MIS18A: variants seen among roughly 807,000 people sequenced by gnomAD.
MIS18A encodes the protein MIS18 kinetochore protein A.
In MIS18A, 14 loss-of-function variants were observed where a neutral mutation model predicts 25.0. The observed-to-expected ratio is 0.56, with a 90% CI of 0.37 to 0.88. MIS18A has a LOEUF of 0.88. Ranked by LOEUF, MIS18A falls within the 40% of genes least tolerant of loss-of-function variation. The probability of loss-of-function intolerance (pLI) is 0.00; values close to 1 mark genes in which losing one functional copy is unlikely to be tolerated. For synonymous variants in MIS18A, 134 were observed against 118.6 expected (o/e 1.13, Z -0.84); for missense variants, 292 against 290.8 (o/e 1.00, Z -0.03).
At chr21:32,238,293 C>A in the MIS18A span, among the ~76,000 whole-genome samples, 1 of 152,136 alleles carries the variant, frequency 6.6e-6, no homozygotes, top group Non-Finnish European at 1.5e-5. Flanking sequence ...CAATAACCCC[C>A]CAAATCTCAG....
chr21:32,184,786 G>C, the MIS18A span, among the ~76,000 whole-genome samples: 1 of 152,186 alleles, frequency 6.6e-6, no homozygotes, highest in East Asian at 1.9e-4. Flanking sequence ...ATCATGCACT[G>C]AGTCCTCTGG....
chr21:32,173,244 C>T, the MIS18A span, among the ~76,000 whole-genome samples: 4 of 152,086 alleles, frequency 2.6e-5, no homozygotes, highest in African/African-American at 9.7e-5. Context: ...AAATCAAAAC[C>T]ACAATAAGAT....
Position 32,274,833 on chromosome 21 carries a change from C to A in MIS18A, c.398G>T (p.Gly133Val), listed in dbSNP as rs376685765. 12 of 1,610,636 alleles carry A rather than the reference C, an allele frequency of 7.5e-6. No individual in the cohort carries two copies. Among genetic ancestry groups the A allele is most frequent in the Non-Finnish European group, 9.3e-6 (11 of 1,177,466 alleles). ...ATATAAATACAGTTTTACTCACCAA[C>A]CATTTTCCTTTTCACGTTTGGATAG... Reference protein sequence around the residue: ...QKLSKREKENGCVLETLCCAG... With the variant: ...QKLSKREKENVCVLETLCCAG... Residue 133 changes from glycine to valine, a missense_variant, in exon 2 of 5, where the codon GGT (glycine) becomes GTT (valine). Transcript: ENST00000290130.
At chr21:32,249,447 A>G in the MIS18A span, among the ~76,000 whole-genome samples, 1 of 152,196 alleles carries the variant, frequency 6.6e-6, no homozygotes, top group Non-Finnish European at 1.5e-5. Context: ...TATTATACAT[A>G]GCCATAATTA....
downstream of MIS18A, among the ~76,000 whole-genome samples, chr21:32,266,754 G>T (rs537284656): frequency 2.0e-3 from 305 of 152,028 alleles, 2 homozygotes; most frequent in African/African-American, 7.2e-3. Flanking sequence ...CACTCACTGC[G>T]AGAGTCCGCG....
the MIS18A span, among the ~76,000 whole-genome samples, chr21:32,160,363 C>T: frequency 6.6e-6 from 1 of 151,438 alleles, no homozygotes; most frequent in African/African-American, 2.4e-5. Flanking sequence ...TGATATCTTA[C>T]ATTAGTACAG....
Position 32,269,813 on chromosome 21 carries a change from G to T in MIS18A, c.525-10C>A, listed in dbSNP as rs545433426. ...GGACCCTAAAACATAACTGAAGTAC[G>T]GTACAAGGTTAAAATACAAGCTGGG... is the stretch of plus-strand genomic sequence containing the variant. On this transcript the variant is annotated splice_polypyrimidine_tract_variant and intron_variant, in intron 3 of 4. Coordinates refer to ENST00000290130, the MANE Select transcript of MIS18A (RefSeq NM_018944.3). 6.6e-7 allele frequency: 1 copy of T among 1,515,052 alleles called. No homozygotes were observed. The highest frequency in any genetic ancestry group is 1.7e-5 in the Admixed American group (1 of 59,692). 93.9% of individuals were successfully genotyped at this position (1,515,052 alleles called of 1,614,324 possible). A position where few individuals can be genotyped will look rare whatever the true frequency, so the allele number is the denominator to read the frequency against.
intron 1 of MIS18A, 115 bp downstream of exon 1, chr21:32,278,566 C>T (rs2031862218): frequency 8.7e-7 from 1 of 1,147,616 alleles, no homozygotes; most frequent in Admixed American, 2.9e-5. Flanking sequence ...ACTTTTTGCT[C>T]TTAAAGTCCC....
At chr21:32,174,421 T>C in the MIS18A span, among the ~76,000 whole-genome samples, 4 of 152,154 alleles carry the variant, frequency 2.6e-5, no homozygotes, top group African/African-American at 9.7e-5. Context: ...AAGGTAGACT[T>C]TAAGACAAGA....
At chr21:32,257,532 A>C in the MIS18A span, among the ~76,000 whole-genome samples, 1 of 152,212 alleles carries the variant, frequency 6.6e-6, no homozygotes, top group Non-Finnish European at 1.5e-5. Flanking sequence ...ATCAGATTAC[A>C]AATGCCTTAG....
the MIS18A span, among the ~76,000 whole-genome samples, chr21:32,205,266 G>C: frequency 2.0e-5 from 3 of 151,620 alleles, no homozygotes; most frequent in East Asian, 5.8e-4. Context: ...CACCACGCCC[G>C]GCTAATTTTT....
the MIS18A span, among the ~76,000 whole-genome samples, chr21:32,161,584 C>G: frequency 6.6e-6 from 1 of 151,534 alleles, no homozygotes; most frequent in Admixed American, 6.6e-5. Flanking sequence ...CTCCGCCTCC[C>G]GGCTTCAAGA....
intron 1 of MIS18A, among the ~76,000 whole-genome samples, chr21:32,276,064 C>T (rs958417562): frequency 6.6e-6 from 1 of 152,208 alleles, no homozygotes; most frequent in African/African-American, 2.4e-5. Context: ...TCTCTTCCTT[C>T]CTCCCTAAAT....
At chr21:32,263,307 A>G (rs1245639717), downstream of MIS18A, among the ~76,000 whole-genome samples, 1 of 152,244 alleles carries the variant, frequency 6.6e-6, no homozygotes, top group Non-Finnish European at 1.5e-5. Flanking sequence ...CTAAAGTCTT[A>G]GAATGAGACT....
chr21:32,244,627 C>T, the MIS18A span, among the ~76,000 whole-genome samples: 1 of 152,008 alleles, frequency 6.6e-6, no homozygotes, highest in African/African-American at 2.4e-5. Flanking sequence ...ATCCCAGCTA[C>T]TTGGGAGGCT....
the MIS18A span, among the ~76,000 whole-genome samples, chr21:32,256,301 CA>C: frequency 6.6e-6 from 1 of 152,102 alleles, no homozygotes; most frequent in Non-Finnish European, 1.5e-5. Context: ...CTTGATCTAT[CA>C]TCAAATTTCC....
At chr21:32,255,913 G>A in the MIS18A span, among the ~76,000 whole-genome samples, 1 of 151,102 alleles carries the variant, frequency 6.6e-6, no homozygotes, top group Non-Finnish European at 1.5e-5. Context: ...AAGAACAAAC[G>A]TGTTTACGCC....
the MIS18A span, among the ~76,000 whole-genome samples, chr21:32,222,274 G>A: frequency 6.6e-6 from 1 of 152,128 alleles, no homozygotes; most frequent in South Asian, 2.1e-4. Context: ...CAATACAGGA[G>A]AACCCAGATT....
chr21:32,248,288 A>G, the MIS18A span, among the ~76,000 whole-genome samples: 1 of 152,166 alleles, frequency 6.6e-6, no homozygotes, highest in Non-Finnish European at 1.5e-5. Flanking sequence ...TTACTGCCCC[A>G]TCTTACAGAC....
Sources: gnomAD v4.1 joint callset for allele counts (sites outside exome capture counted in the v4.1 genomes callset) on GRCh38, gnomAD v4.1.1 for gene constraint, MANE v1.5 for transcripts, NCBI Gene and HGNC (gene_info 2026-07-23, HGNC 2026-07-21) for gene names.